WWOX: variants seen among roughly 807,000 people sequenced by gnomAD.
The protein encoded by WWOX is WW domain-containing oxidoreductase.
WWOX carries 69 observed loss-of-function variants against 46.2 expected under a neutral mutation model. The ratio of observed to expected loss-of-function variants is 1.49; its 90% CI spans 1.23 to 1.82. The LOEUF is 1.82. Among genes scored for constraint, WWOX ranks in the 40% most tolerant of loss-of-function variants. The pLI is 0.00. For missense variants in WWOX, 919 were observed against 542.6 expected, an observed-to-expected ratio of 1.69 and a Z score of -6.89; for synonymous variants, 359 against 202.6, an observed-to-expected ratio of 1.77 and a Z score of -6.56.
At chr16:78,708,190 C>T (rs1295131459) in intron 8 of WWOX, among the ~76,000 whole-genome samples, 1 of 152,060 alleles carries the variant, frequency 6.6e-6, no homozygotes, top group African/African-American at 2.4e-5. Flanking sequence ...GACCCTGTGT[C>T]TTAAAACAAC....
intron 8 of WWOX, among the ~76,000 whole-genome samples, chr16:78,608,708 A>G (rs1195121084): frequency 6.6e-6 from 1 of 152,158 alleles, no homozygotes; most frequent in Non-Finnish European, 1.5e-5. Context: ...ACATGACGGG[A>G]CCTTTACAGT....
chr16:78,411,378 G>A (rs1348896618), intron 6 of WWOX, among the ~76,000 whole-genome samples: 1 of 152,104 alleles, frequency 6.6e-6, no homozygotes, highest in African/African-American at 2.4e-5. Context: ...TGATTAGAGG[G>A]AAATTTTCTT....
At chr16:78,961,413 A>G (rs1405014295) in intron 8 of WWOX, among the ~76,000 whole-genome samples, 1 of 152,156 alleles carries the variant, frequency 6.6e-6, no homozygotes, top group Non-Finnish European at 1.5e-5. Context: ...GATAACACTC[A>G]GCAGATATAT....
In WWOX at chr16:79,014,690, C is replaced by T. The variant is rs375730021; in HGVS notation, c.1057-196918C>T. On this transcript the variant is annotated intron_variant, in intron 8 of 8. Coordinates refer to ENST00000566780, the MANE Select transcript of WWOX (RefSeq NM_016373.4). ...AAAGGGGACATTTCGGCCCTGATTT[C>T]AGAGATGAAAGAACCAAGGCATAGA... 6.6e-5 allele frequency among the ~76,000 whole-genome samples: 10 copies of T among 152,278 alleles called. 1 individual carries two copies. The highest frequency in any genetic ancestry group is 1.9e-4 in the East Asian group (1 of 5,184).
intron 8 of WWOX, among the ~76,000 whole-genome samples, chr16:79,052,122 C>T (rs1414736160): frequency 6.6e-6 from 1 of 151,708 alleles, no homozygotes; most frequent in Non-Finnish European, 1.5e-5. Flanking sequence ...ATGTGCCATG[C>T]TGGTGCGCTG....
At position 78,406,482 on chromosome 16, in the gene WWOX, A is replaced by T. The variant is rs112699754; in HGVS notation, c.606-18388A>T. ...ATTCCCCTGCCTTAGCCTCCTGAGT[A>T]GCTGGGACTACAGGCATGTGCTACC... On this transcript the variant is annotated intron_variant, in intron 6 of 8. Coordinates refer to ENST00000566780, the MANE Select transcript of WWOX (RefSeq NM_016373.4). Among the ~76,000 whole-genome samples the T allele has an allele frequency of 8.0e-3, 1,206 of 149,958 alleles. 12 individuals are homozygous for T. Among genetic ancestry groups the T allele is most frequent in the South Asian group, 0.016 (75 of 4,734 alleles).
intron 8 of WWOX, among the ~76,000 whole-genome samples, chr16:79,003,043 C>T (rs11865669): frequency 0.033 from 4,949 of 152,248 alleles, 252 homozygotes; most frequent in African/African-American, 0.11. Flanking sequence ...CAGGGCCTCA[C>T]AGCACATTTC....
chr16:78,194,119 C>T (rs986000795), intron 5 of WWOX, among the ~76,000 whole-genome samples: 2 of 151,604 alleles, frequency 1.3e-5, no homozygotes, highest in African/African-American at 4.8e-5. Context: ...ACCTCGTGAT[C>T]CGTCCGCCTC....
At chr16:78,866,261 G>A (rs146522788) in intron 8 of WWOX, among the ~76,000 whole-genome samples, 263 of 151,992 alleles carry the variant, frequency 1.7e-3, no homozygotes, top group Non-Finnish European at 2.6e-3. Flanking sequence ...TGAATGCCTC[G>A]CTGTGCCACC....
At chr16:78,812,895 A>G (rs955333249) in intron 8 of WWOX, among the ~76,000 whole-genome samples, 2 of 152,212 alleles carry the variant, frequency 1.3e-5, no homozygotes, top group Non-Finnish European at 2.9e-5. Context: ...TTAAACACAT[A>G]TATTTTTAAA....
At chr16:78,903,239 T>G (rs528831725) in intron 8 of WWOX, among the ~76,000 whole-genome samples, 1 of 152,318 alleles carries the variant, frequency 6.6e-6, no homozygotes, top group South Asian at 2.1e-4. Context: ...CAATCAGTCT[T>G]ATTGGTTGCA....
chr16:78,108,530 G>T (rs893653293), intron 2 of WWOX, 43 bp downstream of exon 2: 3 of 1,606,306 alleles, frequency 1.9e-6, no homozygotes, highest in Non-Finnish European at 2.6e-6. Flanking sequence ...GAAGCATTAA[G>T]TAGATGAGGA....
intron 8 of WWOX, among the ~76,000 whole-genome samples, chr16:79,062,301 A>G (rs1166153778): frequency 1.3e-5 from 2 of 152,200 alleles, no homozygotes; most frequent in African/African-American, 4.8e-5. Context: ...ACCTTCTGGC[A>G]TGTGCTTTGA....
chr16:78,915,850 C>G (rs941954398), intron 8 of WWOX, among the ~76,000 whole-genome samples: 3 of 152,190 alleles, frequency 2.0e-5, no homozygotes, highest in Non-Finnish European at 4.4e-5. Flanking sequence ...ATCACCACAG[C>G]TTTATAACAG....
At chr16:78,998,364 C>G (rs192371026) in intron 8 of WWOX, among the ~76,000 whole-genome samples, 15 of 152,262 alleles carry the variant, frequency 9.9e-5, no homozygotes, top group African/African-American at 3.1e-4. Flanking sequence ...GGTTTTCACG[C>G]TTTGTACTCG....
In WWOX at chr16:79,211,917, A is replaced by C. The variant is rs1392457612; in HGVS notation, c.*121A>C. 10 of 1,545,142 alleles carry C rather than the reference A, an allele frequency of 6.5e-6. No individual in the cohort carries two copies. The Admixed American group carries it at 1.8e-4, about 27-fold the overall frequency. On this transcript the variant is annotated 3_prime_UTR_variant, in exon 9 of 9. Coordinates refer to ENST00000566780, the MANE Select transcript of WWOX (RefSeq NM_016373.4). The stretch of plus-strand genomic sequence containing the variant: ...CAGATCCGCAAGAGTAAAGGAAATA[A>C]GAGCAGTCACAACAGAGTGAAAAAT...
intron 8 of WWOX, among the ~76,000 whole-genome samples, chr16:78,626,133 T>C (rs2046305645): frequency 6.9e-6 from 1 of 145,188 alleles, no homozygotes; most frequent in Non-Finnish European, 1.5e-5. Context: ...CTTTTATTTA[T>C]TTTTTTTTTC....
At chr16:79,079,956 A>AGTTAG (rs1326909569) in intron 8 of WWOX, among the ~76,000 whole-genome samples, 1 of 151,590 alleles carries the variant, frequency 6.6e-6, no homozygotes, top group Non-Finnish European at 1.5e-5. Context: ...ATGCTGATTA[A>AGTTAG]GATTTCAGAT....
intron 8 of WWOX, among the ~76,000 whole-genome samples, chr16:79,102,665 G>A (rs2049225254): frequency 6.6e-6 from 1 of 151,786 alleles, no homozygotes; most frequent in South Asian, 2.1e-4. Flanking sequence ...AAAGAGCCAG[G>A]CATATAATAG....
Sources: gnomAD v4.1 joint callset for allele counts (sites outside exome capture counted in the v4.1 genomes callset) on GRCh38, gnomAD v4.1.1 for gene constraint, MANE v1.5 for transcripts, NCBI Gene and HGNC (gene_info 2026-07-23, HGNC 2026-07-21) for gene names.